CEP70: variants seen among roughly 807,000 people sequenced by gnomAD.
CEP70 encodes centrosomal protein 70.
A neutral mutation model predicts 90.9 loss-of-function variants in CEP70; 70 were observed. The ratio of observed to expected loss-of-function variants is 0.77; its 90% CI spans 0.64 to 0.94. The LOEUF (loss-of-function observed/expected upper bound fraction) is 0.94. CEP70 is among the 40% of genes least tolerant of loss of function. The pLI is 0.00. For synonymous variants in CEP70, 220 were observed against 228.3 expected, an observed-to-expected ratio of 0.96 and a Z score of 0.33; for missense variants, 648 against 669.0, an observed-to-expected ratio of 0.97 and a Z score of 0.35.
chr3:138,518,630 T>C (rs2036295387), intron 11 of CEP70, among the ~76,000 whole-genome samples: 1 of 152,098 alleles, frequency 6.6e-6, no homozygotes, highest in Non-Finnish European at 1.5e-5. Context: ...TCCTGTCTGT[T>C]AGAAGGAAAA....
At chr3:138,503,713 C>A (rs1177267015) in intron 13 of CEP70, among the ~76,000 whole-genome samples, 46 of 152,112 alleles carry the variant, frequency 3.0e-4, no homozygotes, top group Admixed American at 3.0e-3. Context: ...CCTCCTCCTC[C>A]TCCTCAGAAA....
chr3:138,536,584 T>C (rs2107805485), intron 7 of CEP70, among the ~76,000 whole-genome samples: 2 of 152,150 alleles, frequency 1.3e-5, no homozygotes, highest in Middle Eastern at 6.8e-3. Context: ...GGCTTATTGT[T>C]AGTAATTCTA....
chr3:138,496,910 C>G, intron 17 of CEP70: 1 of 985,830 alleles, frequency 1.0e-6, no homozygotes, highest in Non-Finnish European at 1.2e-6. Context: ...TACCAGCACA[C>G]CCTATTAAAA....
At position 138,557,201 on chromosome 3, in the gene CEP70, A is replaced by G. The variant is rs192291144; in HGVS notation, c.465+13117T>C. Reference sequence around the variant, plus strand: ...AGAGAAATATGGCTCTGTTCCGCCCAGCTCACCGGCGGTCAGAGTTTAAGG... The same window carrying G: ...AGAGAAATATGGCTCTGTTCCGCCCGGCTCACCGGCGGTCAGAGTTTAAGG... On this transcript the variant is annotated intron_variant, in intron 6 of 17. Coordinates refer to ENST00000264982, the MANE Select transcript of CEP70 (RefSeq NM_024491.4). 5.6e-3 allele frequency among the ~76,000 whole-genome samples: 849 copies of G among 152,314 alleles called. 6 individuals carry two copies. Among genetic ancestry groups the G allele is most frequent in the African/African-American group, 0.02 (817 of 41,558 alleles).
chr3:138,551,874 A>G (rs1472009349), intron 6 of CEP70, among the ~76,000 whole-genome samples: 2 of 152,180 alleles, frequency 1.3e-5, no homozygotes, highest in East Asian at 1.9e-4. Context: ...CACTTAAAAG[A>G]TATAGAATTG....
chr3:138,519,555 A>G (rs2036399327), intron 11 of CEP70, among the ~76,000 whole-genome samples: 1 of 152,224 alleles, frequency 6.6e-6, no homozygotes, highest in African/African-American at 2.4e-5. Flanking sequence ...AGAATTTTCA[A>G]CCCAGAATTT....
chr3:138,535,163 A>T (rs545961911), intron 7 of CEP70, among the ~76,000 whole-genome samples: 1 of 152,248 alleles, frequency 6.6e-6, no homozygotes, highest in African/African-American at 2.4e-5. Flanking sequence ...CATGTATCCT[A>T]TGTTCCAGAC....
At chr3:138,497,967 C>T in intron 17 of CEP70, 64 bp downstream of exon 17, 2 of 1,599,476 alleles carry the variant, frequency 1.3e-6, no homozygotes, top group South Asian at 2.3e-5. Context: ...CAAGGAACAC[C>T]CTTTTCTTAA....
At chr3:138,592,740 A>AT (rs963721319) in intron 1 of CEP70, among the ~76,000 whole-genome samples, 2 of 145,006 alleles carry the variant, frequency 1.4e-5, no homozygotes, top group Admixed American at 7.2e-5. Context: ...AAATTTAATT[A>AT]TTTTTTTCAC....
At chr3:138,532,671 C>T in intron 7 of CEP70, 101 bp from the exon 8 acceptor site, 2 of 1,069,696 alleles carry the variant, frequency 1.9e-6, no homozygotes, top group Non-Finnish European at 2.5e-6. Flanking sequence ...AAAGTAAGTA[C>T]AGATTATCTG....
chr3:138,574,103 G>A (rs1218185241), intron 2 of CEP70, among the ~76,000 whole-genome samples: 2 of 152,134 alleles, frequency 1.3e-5, no homozygotes, highest in East Asian at 1.9e-4. Context: ...GACAGTGGGT[G>A]CAGCCCACAA....
chr3:138,530,437 A>G (rs956944390), intron 8 of CEP70, among the ~76,000 whole-genome samples: 2 of 152,148 alleles, frequency 1.3e-5, no homozygotes, highest in Non-Finnish European at 2.9e-5. Flanking sequence ...GTATCAATGG[A>G]TTGATTCAGT....
chr3:138,522,561 A>T (rs1043789148), intron 11 of CEP70, among the ~76,000 whole-genome samples: 1 of 152,220 alleles, frequency 6.6e-6, no homozygotes, highest in African/African-American at 2.4e-5. Context: ...GATCCCACAG[A>T]AATACAAACT....
chr3:138,556,777 G>A (rs879547341), intron 6 of CEP70, among the ~76,000 whole-genome samples: 3 of 152,024 alleles, frequency 2.0e-5, no homozygotes, highest in Non-Finnish European at 2.9e-5. Flanking sequence ...TACAAATAGG[G>A]TGTGGGTCAC....
intron 6 of CEP70, among the ~76,000 whole-genome samples, chr3:138,548,710 G>C (rs1198494478): frequency 1.3e-5 from 2 of 152,224 alleles, no homozygotes; most frequent in African/African-American, 4.8e-5. Flanking sequence ...GGCAGGACTA[G>C]ATTGCAGTTC....
intron 6 of CEP70, among the ~76,000 whole-genome samples, chr3:138,553,139 C>T (rs143520102): frequency 3.3e-5 from 5 of 151,858 alleles, no homozygotes; most frequent in African/African-American, 7.3e-5. Context: ...ATTCGAAACC[C>T]TAGACAGACC....
chr3:138,518,587 T>TC (rs889929445), intron 11 of CEP70, among the ~76,000 whole-genome samples: 4 of 152,200 alleles, frequency 2.6e-5, no homozygotes, highest in Non-Finnish European at 5.9e-5. Flanking sequence ...GGAGTGGACC[T>TC]CCAGCGAACT....
chr3:138,561,751 T>G (rs2040422057), intron 6 of CEP70, among the ~76,000 whole-genome samples: 1 of 151,656 alleles, frequency 6.6e-6, no homozygotes, highest in South Asian at 2.1e-4. Flanking sequence ...GCTGGCCGGG[T>G]GCGGTGGCTC....
intron 11 of CEP70, among the ~76,000 whole-genome samples, chr3:138,524,838 T>C (rs1486584155): frequency 1.3e-5 from 2 of 152,204 alleles, no homozygotes; most frequent in African/African-American, 4.8e-5. Context: ...AGTTCAACCA[T>C]TGTGGAAGAC....
Sources: allele counts gnomAD v4.1 joint callset (sites outside exome capture counted in the v4.1 genomes callset), GRCh38; gene constraint gnomAD v4.1.1; transcripts MANE v1.5; gene names NCBI Gene and HGNC (gene_info 2026-07-23, HGNC 2026-07-21).